DHX32: variants seen among roughly 807,000 people sequenced by gnomAD.
The protein encoded by DHX32 is putative pre-mRNA-splicing factor ATP-dependent RNA helicase DHX32.
In DHX32, 51 loss-of-function variants were observed where a neutral mutation model predicts 70.0. The ratio of observed to expected loss-of-function variants is 0.73; its 90% confidence interval spans 0.58 to 0.92. DHX32 has a LOEUF of 0.92. Among genes scored for constraint, DHX32 ranks in the 40% least tolerant of loss-of-function variants. The probability of loss-of-function intolerance (pLI) is 0.00; values close to 1 mark genes in which losing one functional copy is unlikely to be tolerated. For missense variants in DHX32, 762 were observed against 891.8 expected (o/e 0.85, Z 1.85); for synonymous variants, 310 against 315.3 (o/e 0.98, Z 0.18).
chr10:125,883,482 G>A (rs1944329301), upstream of DHX32, among the ~76,000 whole-genome samples: 1 of 152,102 alleles, frequency 6.6e-6, no homozygotes, highest in South Asian at 2.1e-4. Context: ...AAGCCACCGG[G>A]AAGAGACCAA....
At chr10:125,837,001 C>T in intron 10 of DHX32, 146 bp from the exon 11 acceptor site, 1 of 685,534 alleles carries the variant, frequency 1.5e-6, no homozygotes, top group South Asian at 2.0e-5. Context: ...CTCAGTCCGA[C>T]TTTGTAAAAT....
chr10:125,863,870 A>G (rs1944204210), intron 2 of DHX32, among the ~76,000 whole-genome samples: 1 of 152,184 alleles, frequency 6.6e-6, no homozygotes, highest in Non-Finnish European at 1.5e-5. Flanking sequence ...TTATAAAAAT[A>G]TAATTATAAA....
chr10:125,893,588 T>C (rs1944384227), intron 1 of DHX32, among the ~76,000 whole-genome samples: 1 of 152,222 alleles, frequency 6.6e-6, no homozygotes, highest in Non-Finnish European at 1.5e-5. Context: ...GAGATAGACA[T>C]TCCATTTGAG....
chr10:125,859,021 GTTTTT>G (rs574242863), intron 3 of DHX32, among the ~76,000 whole-genome samples: 4 of 139,610 alleles, frequency 2.9e-5, no homozygotes, highest in African/African-American at 8.0e-5. Context: ...TGAGTTAAAG[GTTTTT>G]TTTTTTGTTT....
chr10:125,855,515 C>T (rs1944139783), intron 3 of DHX32, among the ~76,000 whole-genome samples: 1 of 145,048 alleles, frequency 6.9e-6, no homozygotes, highest in Admixed American at 7.1e-5. Flanking sequence ...GTGGCCCGAT[C>T]TCAGCTCACT....
At chr10:125,881,880 T>C (rs1056669488), upstream of DHX32, among the ~76,000 whole-genome samples, 1 of 152,186 alleles carries the variant, frequency 6.6e-6, no homozygotes, top group Non-Finnish European at 1.5e-5. Context: ...TGGGCTCAAG[T>C]GGTCTGTCCT....
rs371564794 is a variant in DHX32, at chr10:125,866,967, C to T, written c.476+23G>A. 1.2e-5 allele frequency: 19 copies of T among 1,600,398 alleles called. No individual in the cohort carries two copies. Among genetic ancestry groups the T allele is most frequent in the Middle Eastern group, 1.7e-4 (1 of 5,948 alleles). ...TAAGCCAAGAATCATCAGCAGGGAG[C>T]GGACTGAACCCCACAAACCAACCTC... On this transcript the variant is annotated intron_variant, in intron 2 of 10. Transcript: ENST00000284690. The surrounding 1 kb of genome is among the most constrained non-coding windows in gnomAD (Gnocchi z 4.8).
At chr10:125,872,956 A>G (rs1944263959) in intron 1 of DHX32, among the ~76,000 whole-genome samples, 1 of 152,218 alleles carries the variant, frequency 6.6e-6, no homozygotes, top group African/African-American at 2.4e-5. Context: ...CAGTTCTACA[A>G]CTTGTACAAA....
At chr10:125,879,832 C>T (rs140044147) in intron 1 of DHX32, among the ~76,000 whole-genome samples, 224 of 151,992 alleles carry the variant, frequency 1.5e-3, no homozygotes, top group South Asian at 9.6e-3. Flanking sequence ...TTTGTAGAGA[C>T]GGCATTTTGC....
intron 1 of DHX32, among the ~76,000 whole-genome samples, chr10:125,869,812 C>G (rs1329705242): frequency 6.6e-6 from 1 of 151,990 alleles, no homozygotes; most frequent in East Asian, 1.9e-4. Flanking sequence ...CAATACCGAA[C>G]AGAGGATCTG....
At chr10:125,858,107 T>A (rs1944160237) in intron 3 of DHX32, among the ~76,000 whole-genome samples, 1 of 151,924 alleles carries the variant, frequency 6.6e-6, no homozygotes, top group South Asian at 2.1e-4. Context: ...TGCTATGTTG[T>A]CAAGGCTGGT....
intron 2 of DHX32, among the ~76,000 whole-genome samples, chr10:125,860,950 C>T (rs1397560675): frequency 6.6e-6 from 1 of 151,750 alleles, no homozygotes; most frequent in Non-Finnish European, 1.5e-5. Flanking sequence ...GACAAGATTT[C>T]ACCGTGTTAG....
chr10:125,848,028 A>G (rs1423505596), intron 6 of DHX32, among the ~76,000 whole-genome samples: 1 of 152,198 alleles, frequency 6.6e-6, no homozygotes. Flanking sequence ...GCATTAATGT[A>G]TATACACATT....
rs1944104796 is a variant in DHX32, at chr10:125,852,561, G to C, written c.1174C>G (p.Leu392Val). 1 of 1,613,672 alleles carries C rather than the reference G, an allele frequency of 6.2e-7. No homozygotes were observed. The highest frequency in any genetic ancestry group is 8.5e-7 in the Non-Finnish European group (1 of 1,179,832). Reference sequence around the variant, plus strand: ...GCACTACCTGAAGAAGATGAGCCAAGAATCTGCTTGCGTATCTCTGCCTGG... The same window carrying C: ...GCACTACCTGAAGAAGATGAGCCAACAATCTGCTTGCGTATCTCTGCCTGG... The part of the protein sequence containing the change: ...QSQAEIRKQI[L>V]GSSSSGKFFC... Residue 392 changes from leucine (L) to valine (V), a missense_variant, in exon 5 of 11, where the codon CTT becomes GTT. Physicochemically the swap from Leu to Val is conservative, Grantham distance 32. Around this residue, in one of 3 missense-constraint regions of DHX32, gnomAD observed 394 missense variants for 473.1 expected, o/e 0.83. Coordinates refer to ENST00000284690, the MANE Select transcript of DHX32 (RefSeq NM_018180.3).
intron 3 of DHX32, among the ~76,000 whole-genome samples, chr10:125,855,672 G>C (rs182720760): frequency 6.6e-6 from 1 of 151,992 alleles, no homozygotes; most frequent in African/African-American, 2.4e-5. Context: ...GGATGGTCTC[G>C]ATCTCCTGAC....
intron 2 of DHX32, among the ~76,000 whole-genome samples, chr10:125,863,436 A>G (rs996319164): frequency 2.0e-5 from 3 of 152,006 alleles, no homozygotes; most frequent in Non-Finnish European, 2.9e-5. Flanking sequence ...ACTGCCTTCT[A>G]TAATCAATGA....
At chr10:125,882,662 G>A (rs1476030896), upstream of DHX32, among the ~76,000 whole-genome samples, 1 of 152,144 alleles carries the variant, frequency 6.6e-6, no homozygotes, top group Non-Finnish European at 1.5e-5. Flanking sequence ...TCATCTAAAA[G>A]CCAGTGTTTC....
Position 125,867,079 on chromosome 10 carries a change from C to G in DHX32, c.387G>C (p.Arg129=), listed in dbSNP as rs767407807. The stretch of plus-strand genomic sequence containing the variant: ...TGTTAACATCCATTTCATCCGCCAC[C>G]CGCAGGGCGAGCTGGACCACAGTCT... ...HKQTVVQLAL[R]VADEMDVNIG... is the part of the protein sequence containing the mutation. The change falls in exon 2 of 11, where the codon CGG becomes CGC. Residue 129 remains arginine, a synonymous_variant. Transcript: ENST00000284690. 3.7e-6 allele frequency: 6 copies of G among 1,614,216 alleles called. No homozygotes were observed. In the Admixed American group the frequency reaches 6.7e-5, roughly 18 times the overall value.
At chr10:125,842,030 A>G in intron 6 of DHX32, 96 bp from the exon 7 acceptor site, 2 of 1,371,224 alleles carry the variant, frequency 1.5e-6, no homozygotes, top group Non-Finnish European at 1.9e-6. Flanking sequence ...ACAAGCAAAC[A>G]ATGGACAAAA....
Sources: gnomAD v4.1 joint callset for allele counts (sites outside exome capture counted in the v4.1 genomes callset) on GRCh38, gnomAD v4.1.1 for gene constraint, gnomAD v4.1.1 regional missense constraint, Gnocchi (gnomAD v3.1) non-coding constraint, MANE v1.5 for transcripts, NCBI Gene and HGNC (gene_info 2026-07-23, HGNC 2026-07-21) for gene names.